The following LRBA variants were observed in gnomAD, a reference collection of about 807,000 sequenced individuals.
LRBA encodes the protein LPS responsive beige-like anchor protein.
In LRBA, 176 loss-of-function variants were observed where a neutral mutation model predicts 330.0. The ratio of observed to expected loss-of-function variants is 0.53; its 90% confidence interval spans 0.47 to 0.60. The LOEUF is 0.60. Ranked by LOEUF, LRBA falls within the 20% of genes least tolerant of loss-of-function variation. The pLI is 0.00. For synonymous variants in LRBA, 1,230 were observed against 1,193.0 expected (o/e 1.03, Z -0.64); for missense variants, 3,259 against 3,444.8 (o/e 0.95, Z 1.35).
At chr4:150,808,539 C>G (rs991635401) in intron 31 of LRBA, 141 bp from the exon 32 acceptor site, 34 of 560,630 alleles carry the variant, frequency 6.1e-5, no homozygotes, top group Non-Finnish European at 9.7e-5. Context: ...ACATTAAAAT[C>G]TAACAATTAA....
At chr4:150,691,777 A>G (rs1784162641) in intron 36 of LRBA, among the ~76,000 whole-genome samples, 1 of 152,172 alleles carries the variant, frequency 6.6e-6, no homozygotes, top group African/African-American at 2.4e-5. Flanking sequence ...TTAGTCATAA[A>G]AGTCAGACAC....
chr4:150,985,152 G>A (rs937005611), intron 2 of LRBA, among the ~76,000 whole-genome samples: 2 of 151,478 alleles, frequency 1.3e-5, no homozygotes, highest in Non-Finnish European at 2.9e-5. Flanking sequence ...CCAGCTACTC[G>A]AGAAGCTGAG....
At chr4:150,539,948 T>C (rs1378622167) in intron 40 of LRBA, among the ~76,000 whole-genome samples, 2 of 152,214 alleles carry the variant, frequency 1.3e-5, no homozygotes, top group Non-Finnish European at 2.9e-5. Context: ...ACAAATATCG[T>C]ATTAATATTT....
At chr4:150,737,003 C>T (rs1374558484) in intron 35 of LRBA, among the ~76,000 whole-genome samples, 1 of 152,080 alleles carries the variant, frequency 6.6e-6, no homozygotes, top group African/African-American at 2.4e-5. Context: ...CACATGAGGC[C>T]AGTAGTTCAA....
chr4:150,842,861 C>T (rs1361624318), intron 28 of LRBA, among the ~76,000 whole-genome samples: 1 of 151,438 alleles, frequency 6.6e-6, no homozygotes, highest in Admixed American at 6.6e-5. Flanking sequence ...GCACAAGGGA[C>T]TAGTTTCATA....
chr4:150,523,374 C>T (rs1312226190), intron 40 of LRBA, among the ~76,000 whole-genome samples: 1 of 152,058 alleles, frequency 6.6e-6, no homozygotes, highest in African/African-American at 2.4e-5. Flanking sequence ...GGGCCACTAT[C>T]TTACCCTTTC....
chr4:150,526,102 G>C (rs1763445945), intron 40 of LRBA, among the ~76,000 whole-genome samples: 1 of 152,122 alleles, frequency 6.6e-6, no homozygotes, highest in East Asian at 1.9e-4. Flanking sequence ...ATACAAAATA[G>C]AATAAATGAC....
At chr4:150,317,497 T>TA (rs932347988) in intron 50 of LRBA, among the ~76,000 whole-genome samples, 16 of 151,968 alleles carry the variant, frequency 1.1e-4, no homozygotes, top group South Asian at 8.3e-4. Context: ...ACGGCTCTTT[T>TA]AAAAAAAACC....
chr4:150,695,709 G>C (rs551169859), intron 36 of LRBA, among the ~76,000 whole-genome samples: 1 of 152,142 alleles, frequency 6.6e-6, no homozygotes, highest in East Asian at 1.9e-4. Flanking sequence ...ATGTATAAAT[G>C]GTTACACACA....
chr4:150,807,050 G>C (rs1017290329), intron 32 of LRBA, among the ~76,000 whole-genome samples: 3 of 149,702 alleles, frequency 2.0e-5, no homozygotes, highest in Admixed American at 1.3e-4. Flanking sequence ...ATATATATTT[G>C]TGATTATATA....
intron 28 of LRBA, among the ~76,000 whole-genome samples, chr4:150,839,293 C>T (rs950596943): frequency 2.0e-5 from 3 of 152,158 alleles, no homozygotes; most frequent in Non-Finnish European, 4.4e-5. Context: ...GTTGGTGGGA[C>T]TGTAAACTAG....
At chr4:150,964,325 A>G (rs1738636896) in intron 2 of LRBA, among the ~76,000 whole-genome samples, 1 of 149,612 alleles carries the variant, frequency 6.7e-6, no homozygotes, top group South Asian at 2.1e-4. Context: ...TGGGAGGTGT[A>G]CCCAACAGCT....
intron 49 of LRBA, among the ~76,000 whole-genome samples, chr4:150,323,302 T>A (rs950896662): frequency 3.3e-5 from 5 of 152,166 alleles, no homozygotes; most frequent in Non-Finnish European, 5.9e-5. Context: ...ATGTAGTTTT[T>A]AAATAATATT....
At chr4:150,886,272 G>A (rs916292755) in intron 17 of LRBA, among the ~76,000 whole-genome samples, 16 of 152,062 alleles carry the variant, frequency 1.1e-4, no homozygotes, top group African/African-American at 7.2e-5. Context: ...TCAGAAGCTC[G>A]GGTGGCAAAA....
chr4:150,551,966 G>T (rs971032991), intron 40 of LRBA, among the ~76,000 whole-genome samples: 1 of 152,124 alleles, frequency 6.6e-6, no homozygotes, highest in Non-Finnish European at 1.5e-5. Flanking sequence ...GTGGGGGGTA[G>T]GAGGTATGAT....
Position 150,321,176 on chromosome 4 carries a change from T to C in LRBA, c.7630+15A>G, listed in dbSNP as rs748642873. 13 of 1,602,350 alleles carry C rather than the reference T, an allele frequency of 8.1e-6. No individual in the cohort carries two copies. Among genetic ancestry groups the C allele is most frequent in the South Asian group, 1.1e-5 (1 of 88,932 alleles). On this transcript the variant is annotated intron_variant, in intron 50 of 56. Coordinates refer to ENST00000651943, the MANE Select transcript of LRBA (RefSeq NM_001364905.1). This position sits in a 1 kb window ranked among gnomAD's most constrained non-coding sequence, Gnocchi z 4.5. ...CAGCAGTTACCATGCCTTATAATGG[T>C]ATTTCTTTACTTACCAGGAAGGTTG... is the stretch of plus-strand genomic sequence containing the variant.
intron 47 of LRBA, among the ~76,000 whole-genome samples, chr4:150,373,124 C>CGTGTGTGTGTGTGTGTGT: frequency 1.0e-5 from 1 of 96,368 alleles, no homozygotes; most frequent in South Asian, 4.0e-4. Context: ...ACTACAATCT[C>CGTGTGTGTGTGTGTGTGT]GTGTGTGTGT....
intron 44 of LRBA, among the ~76,000 whole-genome samples, chr4:150,451,416 C>T (rs987798625): frequency 6.6e-6 from 1 of 151,954 alleles, no homozygotes; most frequent in East Asian, 1.9e-4. Flanking sequence ...CTGACAAATC[C>T]CCAAATACAT....
At position 150,852,591 on chromosome 4, in the gene LRBA, T is replaced by C. The variant is rs139100556; in HGVS notation, c.3119A>G (p.Asn1040Ser). 15 of 1,613,922 alleles carry C rather than the reference T, an allele frequency of 9.3e-6. No individual in the cohort carries two copies. In the African/African-American group the frequency reaches 2.0e-4, roughly 22 times the overall value. Residue 1040 changes from asparagine (N) to serine (S), a missense_variant, in exon 23 of 57, where the codon AAT (asparagine) becomes AGT (serine). Physicochemically the swap from Asn to Ser is conservative, Grantham distance 46. Coordinates refer to ENST00000651943, the MANE Select transcript of LRBA (RefSeq NM_001364905.1). ...TAAATCATCTGCATTCCTTGTCTCA[T>C]TTGTCAGTGTTTCTTCCAAAGTGCC... ...DEGTLEETLT[N>S]ETRNADDLEV...
Sources: allele counts gnomAD v4.1 joint callset (sites outside exome capture counted in the v4.1 genomes callset), GRCh38; gene constraint gnomAD v4.1.1; non-coding constraint Gnocchi (gnomAD v3.1); transcripts MANE v1.5; gene names NCBI Gene and HGNC (gene_info 2026-07-23, HGNC 2026-07-21).